TRIM58: variants seen among roughly 807,000 people sequenced by gnomAD.
TRIM58 encodes tripartite motif containing 58, also known as E3 ubiquitin-protein ligase TRIM58.
A neutral mutation model predicts 34.1 loss-of-function variants in TRIM58; 38 were observed. That is an observed-to-expected ratio of 1.12 (90% CI 0.86 to 1.46). TRIM58 has a LOEUF of 1.46. Ranked by LOEUF, TRIM58 falls within the 40% of genes most tolerant of loss-of-function variation. The pLI, the probability that TRIM58 is intolerant of heterozygous loss-of-function variation, is 0.00. For synonymous variants in TRIM58, 273 were observed against 275.7 expected, an observed-to-expected ratio of 0.99 and a Z score of 0.10; for missense variants, 677 against 642.0, an observed-to-expected ratio of 1.05 and a Z score of -0.59.
chr1:247,864,823 T>G lies in TRIM58; in HGVS notation c.635T>G (p.Leu212Arg), dbSNP rs1472670324. 6.2e-7 allele frequency: 1 copy of G among 1,613,672 alleles called. No homozygotes were observed. ...CTGGAGGCGGAGGAGCGAGCGACGC[T>G]GCAGAGACTGCGGGAGAGCAAGAGC... is the stretch of plus-strand genomic sequence containing the variant. ...RRLEAEERAT[L>R]QRLRESKSRL... Residue 212 changes from leucine (L) to arginine (R), a missense_variant, in exon 3 of 6, where the codon CTG (leucine) becomes CGG (arginine). Transcript: ENST00000366481.
chr1:247,871,218 A>G (rs1168252425), intron 5 of TRIM58, among the ~76,000 whole-genome samples: 2 of 152,348 alleles, frequency 1.3e-5, no homozygotes, highest in Non-Finnish European at 2.9e-5. Flanking sequence ...AAAATGAAAC[A>G]TTTGAAAGCA....
rs897199916 is a variant in TRIM58 at position 247,863,315 on chromosome 1, C to T, written c.517-1390C>T. Among the ~76,000 whole-genome samples, 5 of 152,130 alleles carry T rather than the reference C, an allele frequency of 3.3e-5. 1 individual carries two copies. In the Middle Eastern group the frequency reaches 0.01, roughly 310 times the overall value. The stretch of plus-strand genomic sequence containing the variant: ...AGCACTTTGGGAGGCCGATGCGGGC[C>T]GATCGTGAGGTCAGGAGTTTGAGAC... On this transcript the variant is annotated intron_variant, in intron 2 of 5. Coordinates refer to ENST00000366481, the MANE Select transcript of TRIM58 (RefSeq NM_015431.4).
At chr1:247,858,752 CTTTTTTTTTTTT>C (rs386370399) in intron 1 of TRIM58, among the ~76,000 whole-genome samples, 6 of 87,856 alleles carry the variant, frequency 6.8e-5, no homozygotes, top group African/African-American at 2.4e-4. Context: ...TTGGTAGTAA[CTTTTTTTTTTTT>C]TTTTTTTTTT....
Position 247,877,239 on chromosome 1 carries a change from T to C in TRIM58, c.*750T>C, listed in dbSNP as rs1659311390. On this transcript the variant is annotated 3_prime_UTR_variant, in exon 6 of 6. Coordinates refer to ENST00000366481, the MANE Select transcript of TRIM58 (RefSeq NM_015431.4). ...ACTTTAAGTAGGAATTTATCAGAATTTTCATTCAACTCGTTCTTTAATGCA... is the reference window on the plus strand; with the variant it reads ...ACTTTAAGTAGGAATTTATCAGAATCTTCATTCAACTCGTTCTTTAATGCA... 1 of 152,324 alleles carries C rather than the reference T, an allele frequency of 6.6e-6. No individual in the cohort carries two copies. The highest frequency in any genetic ancestry group is 2.1e-4 in the South Asian group (1 of 4,826). 9.4% of individuals were successfully genotyped at this position (152,324 alleles called of 1,614,324 possible). A position where few individuals can be genotyped will look rare whatever the true frequency, so the allele number is the denominator to read the frequency against.
intron 5 of TRIM58, among the ~76,000 whole-genome samples, chr1:247,869,316 G>T (rs11204532): frequency 0.42 from 64,558 of 152,044 alleles, 14,447 homozygotes; most frequent in African/African-American, 0.57. Flanking sequence ...CAGAGGTGGG[G>T]GGGGGTGAGG....
intron 5 of TRIM58, among the ~76,000 whole-genome samples, chr1:247,874,130 C>T (rs12070636): frequency 0.027 from 4,167 of 152,178 alleles, 209 homozygotes; most frequent in African/African-American, 0.096. Context: ...TAAAGAAATA[C>T]CTGAGGCTGG....
chr1:247,857,256 G>A lies in TRIM58; in HGVS notation c.10G>A (p.Ala4Thr), dbSNP rs761684693. 4.6e-4 allele frequency: 606 copies of A among 1,325,774 alleles called. 1 individual carries two copies. Among genetic ancestry groups the A allele is most frequent in the Non-Finnish European group, 5.7e-4 (584 of 1,030,368 alleles). 82.1% of individuals were successfully genotyped at this position (1,325,774 alleles called of 1,614,324 possible). MAWAPPGERLREDA... is the reference protein window; with the variant it reads MAWTPPGERLREDA... ...CTCCGGGAGGCGGGTCATGGCCTGG[G>A]CGCCGCCCGGGGAGCGGCTGCGCGA... The change falls in exon 1 of 6, where the codon GCG becomes ACG. Residue 4 changes from alanine to threonine, a missense_variant. Ala to Thr is a moderately conservative substitution (Grantham distance 58). Coordinates refer to ENST00000366481, the MANE Select transcript of TRIM58 (RefSeq NM_015431.4).
At chr1:247,875,436 G>T (rs963596548) in intron 5 of TRIM58, among the ~76,000 whole-genome samples, 6 of 152,118 alleles carry the variant, frequency 3.9e-5, no homozygotes, top group African/African-American at 1.4e-4. Flanking sequence ...GCAGACACGG[G>T]AGGATTGCTT....
At chr1:247,867,299 G>A (rs1374646117) in intron 3 of TRIM58, among the ~76,000 whole-genome samples, 2 of 152,166 alleles carry the variant, frequency 1.3e-5, no homozygotes, top group South Asian at 2.1e-4. Flanking sequence ...CATGCAGAAT[G>A]TTACTCTGTT....
At chr1:247,875,327 T>G (rs918087210) in intron 5 of TRIM58, among the ~76,000 whole-genome samples, 1 of 152,146 alleles carries the variant, frequency 6.6e-6, no homozygotes, top group Non-Finnish European at 1.5e-5. Flanking sequence ...GGTTTATAAA[T>G]TTTATGTTAA....
rs147031993 is a variant in TRIM58 at position 247,871,712 on chromosome 1, A to C, written c.871+3649A>C. Among the ~76,000 whole-genome samples, 524 of 152,286 alleles carry C rather than the reference A, an allele frequency of 3.4e-3. 3 individuals carry two copies. Among genetic ancestry groups the C allele is most frequent in the African/African-American group, 0.011 (454 of 41,556 alleles). On this transcript the variant is annotated intron_variant, in intron 5 of 5. Transcript: ENST00000366481. The stretch of plus-strand genomic sequence containing the variant: ...GGAATGAAATCATTCAAAATGTGTG[A>C]TTAATTTTATCTCACCCATTCTTTT...
Position 247,876,585 on chromosome 1 carries a change from G to C in TRIM58, c.*96G>C. ...TAAGTTTTAACAGATACCCCATTTA[G>C]GTCAGCACTTGATTCGTTGTTGCTG... is the stretch of plus-strand genomic sequence containing the variant. On this transcript the variant is annotated 3_prime_UTR_variant, in exon 6 of 6. Transcript: ENST00000366481. The C allele has an allele frequency of 6.7e-6, 6 of 894,682 alleles. 1 individual carries two copies. The highest frequency in any genetic ancestry group is 8.4e-6 in the Non-Finnish European group (5 of 596,100). 55.4% of individuals were successfully genotyped at this position (894,682 alleles called of 1,614,324 possible). A position where few individuals can be genotyped will look rare whatever the true frequency, so the allele number is the denominator to read the frequency against.
At position 247,864,815 on chromosome 1, in the gene TRIM58, A is replaced by G. The variant is rs371162620; in HGVS notation, c.627A>G (p.Arg209=). 4.3e-6 allele frequency: 7 copies of G among 1,613,756 alleles called. No homozygotes were observed. In the African/African-American group the frequency reaches 5.3e-5, roughly 12 times the overall value. The change falls in exon 3 of 6, where the codon CGA becomes CGG. Residue 209 remains arginine (R), a synonymous_variant. Transcript: ENST00000366481. ...TGAGGCGGCTGGAGGCGGAGGAGCG[A>G]GCGACGCTGCAGAGACTGCGGGAGA... ...RQLRRLEAEE[R]ATLQRLRESK... is the part of the protein sequence containing the mutation.
Position 247,873,694 on chromosome 1 carries a change from G to A in TRIM58, c.872-2206G>A, listed in dbSNP as rs556260302. Among the ~76,000 whole-genome samples the A allele has an allele frequency of 1.4e-4, 22 of 152,302 alleles. No individual in the cohort carries two copies. In the East Asian group the frequency reaches 2.3e-3, roughly 16 times the overall value. On this transcript the variant is annotated intron_variant, in intron 5 of 5. Coordinates refer to ENST00000366481, the MANE Select transcript of TRIM58 (RefSeq NM_015431.4). ...TCAATAAAAATTCACTAGACCGGGC[G>A]TGGCAGCTCACGCCTGTAATCCCAA... is the stretch of plus-strand genomic sequence containing the variant.
chr1:247,862,584 C>T (rs985189928), intron 2 of TRIM58, among the ~76,000 whole-genome samples: 3 of 152,048 alleles, frequency 2.0e-5, no homozygotes, highest in African/African-American at 7.2e-5. Context: ...GGCTGAAATA[C>T]AAGTCAGTTG....
intron 3 of TRIM58, among the ~76,000 whole-genome samples, chr1:247,865,633 CTGTT>C (rs1663900876): frequency 6.6e-6 from 1 of 152,218 alleles, no homozygotes; most frequent in South Asian, 2.1e-4. Flanking sequence ...TCCTCCCAGT[CTGTT>C]TGGGATTAGA....
At chr1:247,866,181 G>GT (rs1558350481) in intron 3 of TRIM58, among the ~76,000 whole-genome samples, 2 of 151,344 alleles carry the variant, frequency 1.3e-5, no homozygotes, top group Non-Finnish European at 1.5e-5. Context: ...CTTTTCTTTT[G>GT]TTTTTTTGAG....
chr1:247,865,587 A>G (rs1330126460), intron 3 of TRIM58, among the ~76,000 whole-genome samples: 1 of 152,252 alleles, frequency 6.6e-6, no homozygotes, highest in East Asian at 1.9e-4. Flanking sequence ...CGTTCCAGGC[A>G]TGGCGAGGAG....
At chr1:247,861,480 G>T (rs1663791897) in intron 2 of TRIM58, among the ~76,000 whole-genome samples, 1 of 152,132 alleles carries the variant, frequency 6.6e-6, no homozygotes, top group Non-Finnish European at 1.5e-5. Context: ...AGGAAAAAAT[G>T]ATCTGTTCAA....
Sources: gnomAD v4.1 joint callset for allele counts (sites outside exome capture counted in the v4.1 genomes callset) on GRCh38, gnomAD v4.1.1 for gene constraint, MANE v1.5 for transcripts, NCBI Gene and HGNC (gene_info 2026-07-23, HGNC 2026-07-21) for gene names.